Variants in PAK5 observed in about 807,000 individuals in gnomAD.
The protein encoded by PAK5 is serine/threonine-protein kinase PAK 5.
Under a neutral mutation model 65.9 loss-of-function variants are expected in PAK5, and 16 were observed. The observed-to-expected ratio is 0.24, with a 90% CI of 0.16 to 0.37. The LOEUF (loss-of-function observed/expected upper bound fraction) is 0.37, where lower values mean the gene tolerates loss of function less well. Among genes scored for constraint, PAK5 ranks in the 10% least tolerant of loss-of-function variants. PAK5 has a pLI of 1.00. For synonymous variants in PAK5, 371 were observed against 354.9 expected (o/e 1.05, Z -0.51); for missense variants, 785 against 903.9 (o/e 0.87, Z 1.69).
At chr20:9,805,397 C>T (rs1293984958) in intron 1 of PAK5, among the ~76,000 whole-genome samples, 6 of 152,094 alleles carry the variant, frequency 3.9e-5, no homozygotes, top group South Asian at 2.1e-4. Flanking sequence ...TGAAAACTTA[C>T]GTTCACACAA....
intron 2 of PAK5, among the ~76,000 whole-genome samples, chr20:9,678,014 G>A (rs2047597860): frequency 6.6e-6 from 1 of 152,134 alleles, no homozygotes; most frequent in African/African-American, 2.4e-5. Context: ...GGGCTCATCA[G>A]ATTGCCATCC....
At chr20:9,615,480 G>A (rs1410343525) in intron 3 of PAK5, among the ~76,000 whole-genome samples, 2 of 152,146 alleles carry the variant, frequency 1.3e-5, no homozygotes, top group Non-Finnish European at 2.9e-5. Flanking sequence ...ACCTAAAACT[G>A]CTCTAAAAAG....
chr20:9,802,018 A>C (rs879773918), intron 1 of PAK5, among the ~76,000 whole-genome samples: 2 of 152,118 alleles, frequency 1.3e-5, no homozygotes, highest in Non-Finnish European at 2.9e-5. Flanking sequence ...ATCACAAAGA[A>C]CCATCTTCTG....
intron 2 of PAK5, among the ~76,000 whole-genome samples, chr20:9,685,710 T>G (rs1394128294): frequency 2.0e-5 from 3 of 152,220 alleles, no homozygotes; most frequent in African/African-American, 4.8e-5. Context: ...GGGATAACAG[T>G]ATCTGTATAA....
At chr20:9,582,013 T>G (rs1568978801) in intron 3 of PAK5, among the ~76,000 whole-genome samples, 1 of 152,218 alleles carries the variant, frequency 6.6e-6, no homozygotes, top group Non-Finnish European at 1.5e-5. Context: ...GGGTTTATTT[T>G]TTTTCTTTCC....
At chr20:9,766,386 A>ATATATTCTACT (rs1569079090) in intron 1 of PAK5, among the ~76,000 whole-genome samples, 2 of 57,662 alleles carry the variant, frequency 3.5e-5, no homozygotes, top group East Asian at 1.8e-3. Flanking sequence ...CAGAATATAT[A>ATATATTCTACT]TGTATATATA....
chr20:9,612,102 G>C (rs1201129644), intron 3 of PAK5, among the ~76,000 whole-genome samples: 1 of 152,088 alleles, frequency 6.6e-6, no homozygotes, highest in East Asian at 1.9e-4. Flanking sequence ...ATGCTGCAGG[G>C]ATATGTACTG....
At chr20:9,617,075 C>T (rs1880976304) in intron 3 of PAK5, among the ~76,000 whole-genome samples, 1 of 152,166 alleles carries the variant, frequency 6.6e-6, no homozygotes, top group South Asian at 2.1e-4. Flanking sequence ...TGAGATCAAA[C>T]TAATTATTCC....
chr20:9,707,332 A>G (rs550439935), intron 2 of PAK5, among the ~76,000 whole-genome samples: 1 of 151,668 alleles, frequency 6.6e-6, no homozygotes, highest in East Asian at 2.0e-4. Flanking sequence ...CTGGTCTCAA[A>G]CTCCTGGACC....
At chr20:9,540,877 C>T (rs1307072119) in intron 9 of PAK5, among the ~76,000 whole-genome samples, 4 of 152,034 alleles carry the variant, frequency 2.6e-5, no homozygotes, top group Non-Finnish European at 4.4e-5. Flanking sequence ...GCTGGGACTA[C>T]AGGCACCCGC....
chr20:9,624,659 G>A (rs1343237085), intron 3 of PAK5, among the ~76,000 whole-genome samples: 1 of 151,924 alleles, frequency 6.6e-6, no homozygotes, highest in African/African-American at 2.4e-5. Context: ...TGTGCTTTGT[G>A]GAAAGGCCCT....
intron 3 of PAK5, among the ~76,000 whole-genome samples, chr20:9,624,396 T>C (rs2046813614): frequency 6.6e-6 from 1 of 152,012 alleles, no homozygotes; most frequent in Non-Finnish European, 1.5e-5. Flanking sequence ...GAATGTTGAA[T>C]ACCTAAAAAA....
chr20:9,667,230 T>C (rs2047432561), intron 2 of PAK5, among the ~76,000 whole-genome samples: 1 of 152,082 alleles, frequency 6.6e-6, no homozygotes, highest in African/African-American at 2.4e-5. Context: ...TTAGCTGAGA[T>C]CGCACCATTG....
At chr20:9,587,150 C>A (rs952193713) in intron 3 of PAK5, among the ~76,000 whole-genome samples, 1 of 151,930 alleles carries the variant, frequency 6.6e-6, no homozygotes, top group African/African-American at 2.4e-5. Context: ...TGGCGGGCTG[C>A]AGTGGTAAAT....
chr20:9,817,075 A>G (rs963772329), intron 1 of PAK5, among the ~76,000 whole-genome samples: 1 of 152,154 alleles, frequency 6.6e-6, no homozygotes, highest in Non-Finnish European at 1.5e-5. Context: ...TGAGCTTAGG[A>G]GTTTGAGTCC....
intron 8 of PAK5, 119 bp from the exon 9 acceptor site, chr20:9,542,839 T>C: frequency 1.1e-6 from 1 of 876,034 alleles, no homozygotes; most frequent in Non-Finnish European, 1.8e-6. Context: ...CTCTCAACAT[T>C]TACAATATAG....
chr20:9,595,776 T>G (rs1000132275), intron 3 of PAK5, among the ~76,000 whole-genome samples: 8 of 152,208 alleles, frequency 5.3e-5, no homozygotes, highest in African/African-American at 1.2e-4. Context: ...AAAGGCCTCC[T>G]GACACACTTA....
chr20:9,687,488 G>T (rs746169135), intron 2 of PAK5, among the ~76,000 whole-genome samples: 3 of 151,992 alleles, frequency 2.0e-5, no homozygotes, highest in Non-Finnish European at 4.4e-5. Flanking sequence ...TTTGAATTCT[G>T]ATTTCCTTCA....
At chr20:9,788,050 A>G (rs999125454) in intron 1 of PAK5, among the ~76,000 whole-genome samples, 2 of 151,882 alleles carry the variant, frequency 1.3e-5, no homozygotes, top group African/African-American at 4.8e-5. Context: ...TGATAGGGGG[A>G]AAAAGCCACA....
Sources: gnomAD v4.1 joint callset for allele counts (sites outside exome capture counted in the v4.1 genomes callset) on GRCh38, gnomAD v4.1.1 for gene constraint, MANE v1.5 for transcripts, NCBI Gene and HGNC (gene_info 2026-07-23, HGNC 2026-07-21) for gene names.